Variants in LAMA3 observed in about 807,000 individuals in gnomAD.
LAMA3 encodes laminin subunit alpha-3.
LAMA3 carries 281 observed loss-of-function variants against 402.0 expected under a neutral mutation model. The observed-to-expected ratio is 0.70, with a 90% confidence interval of 0.63 to 0.77. The LOEUF is 0.77. Ranked by LOEUF, LAMA3 falls within the 30% of genes least tolerant of loss-of-function variation. The pLI, the probability that LAMA3 is intolerant of heterozygous loss-of-function variation, is 0.00. For missense variants in LAMA3, 3,840 were observed against 4,215.5 expected (o/e 0.91, Z 2.47); for synonymous variants, 1,431 against 1,558.4 (o/e 0.92, Z 1.93).
At position 23,839,913 on chromosome 18, in the gene LAMA3, C is replaced by T. The variant is rs1205290420; in HGVS notation, c.3320C>T (p.Thr1107Ile). ...TCTGTTGATGTTCTTCCTGGGGTCA[C>T]CTTGAAGGCACCGCAGGTAGTGTGC... is the stretch of plus-strand genomic sequence containing the variant. ...SPSVDVLPGVTLKAPQNQVTL... is the reference protein window; with the variant it reads ...SPSVDVLPGVILKAPQNQVTL... The change falls in exon 27 of 75, where the codon ACC becomes ATC. Residue 1107 changes from threonine to isoleucine, a missense_variant. Transcript: ENST00000313654. This position sits in a 1 kb window ranked among gnomAD's most constrained non-coding sequence, Gnocchi z 4.5. 1.4e-5 allele frequency: 22 copies of T among 1,614,186 alleles called. No individual in the cohort carries two copies. Among genetic ancestry groups the T allele is most frequent in the Non-Finnish European group, 1.8e-5 (21 of 1,180,038 alleles).
At chr18:23,953,376 C>G (rs1011847023) in intron 74 of LAMA3, among the ~76,000 whole-genome samples, 2 of 141,352 alleles carry the variant, frequency 1.4e-5, no homozygotes, top group Non-Finnish European at 3.0e-5. Context: ...GAGTCTCACT[C>G]TGTTGCCCAG....
chr18:23,815,093 C>A, intron 15 of LAMA3, 95 bp from the exon 16 acceptor site: 1 of 1,119,288 alleles, frequency 8.9e-7, no homozygotes, highest in Non-Finnish European at 1.4e-6. Context: ...GCAAGGCCAA[C>A]TGCACACGTT....
Position 23,827,467 on chromosome 18 carries a change from G to T in LAMA3, c.2823G>T (p.Glu941Asp). The part of the protein sequence containing the change: ...HPVMVDLSGR[E>D]VELHLRLRIP... ...TCATGGTGGACCTCAGCGGGAGAGA[G>T]GTGGGCCAGCCTTTTATTTATTATC... The change falls in exon 23 of 75, where the codon GAG becomes GAT. Residue 941 changes from glutamate to aspartate, a missense_variant and splice_region_variant. Glu to Asp is a conservative substitution (Grantham distance 45). This residue lies in a region of LAMA3 where 2,109 missense variants were observed against 2,376.0 expected (regional missense o/e 0.89). Transcript: ENST00000313654. The T allele has an allele frequency of 6.2e-7, 1 of 1,614,016 alleles. No individual in the cohort carries two copies. The highest frequency in any genetic ancestry group is 8.5e-7 in the Non-Finnish European group (1 of 1,180,036).
At position 23,815,551 on chromosome 18, in the gene LAMA3, G is replaced by A. The variant is rs1453337367; in HGVS notation, c.2025G>A (p.Lys675=). The A allele has an allele frequency of 6.2e-7, 1 of 1,613,902 alleles. No individual in the cohort carries two copies. The highest frequency in any genetic ancestry group is 1.1e-5 in the South Asian group (1 of 91,078). ...TCEDGYFALE[K]SNYFGCQGCQ... ...AAGATGGATATTTTGCTTTGGAAAA[G>A]AGCAATTACTTTGGGTGTCAAGGTA... Residue 675 remains lysine, a synonymous_variant, in exon 17 of 75, where the codon AAG becomes AAA. Transcript: ENST00000313654.
At chr18:23,936,302 A>G (rs558648721) in intron 67 of LAMA3, among the ~76,000 whole-genome samples, 2 of 151,830 alleles carry the variant, frequency 1.3e-5, no homozygotes, top group African/African-American at 4.8e-5. Context: ...GGTTTGTTAC[A>G]TATGTATACA....
chr18:23,822,121 G>C, intron 19 of LAMA3, 131 bp from the exon 20 acceptor site: 3 of 893,226 alleles, frequency 3.4e-6, no homozygotes, highest in African/African-American at 1.6e-5. Context: ...CTGAGTGTGA[G>C]TGTGTATGTG....
rs11446507 is a variant in LAMA3 at position 23,782,795 on chromosome 18, CTT to C, written c.1469-1213_1469-1212del. ...GAAGTTAATTAACCTTTCTGAGCAT[CTT>C]TTTTTTTTTTTTTTCATCTATAAAA... On this transcript the variant is annotated intron_variant, in intron 11 of 74. Transcript: ENST00000313654. 6.8e-3 allele frequency among the ~76,000 whole-genome samples: 929 copies of C among 135,998 alleles called. 13 individuals carry two copies. Among genetic ancestry groups the C allele is most frequent in the African/African-American group, 0.024 (881 of 37,282 alleles). The allele number at this position is 135,998 out of a possible 152,430, so 89.2% of individuals were successfully genotyped here.
At chr18:23,755,852 A>C (rs1001442411) in intron 6 of LAMA3, among the ~76,000 whole-genome samples, 20 of 152,250 alleles carry the variant, frequency 1.3e-4, no homozygotes, top group African/African-American at 4.8e-4. Flanking sequence ...AATCAATGAC[A>C]TCTTTAAATA....
Position 23,846,432 on chromosome 18 carries a change from C to G in LAMA3, c.3855C>G (p.Cys1285Trp), listed in dbSNP as rs1017963930. 1.2e-5 allele frequency: 19 copies of G among 1,613,718 alleles called. No individual in the cohort carries two copies. The highest frequency in any genetic ancestry group is 1.5e-5 in the Non-Finnish European group (18 of 1,179,992). The change falls in exon 31 of 75, where the codon TGC becomes TGG. Residue 1285 changes from cysteine (C) to tryptophan (W), a missense_variant. This residue lies in a region of LAMA3 where 2,109 missense variants were observed against 2,376.0 expected (regional missense o/e 0.89). Coordinates refer to ENST00000313654, the MANE Select transcript of LAMA3 (RefSeq NM_198129.4). ...GPHCSPEGGQ[C>W]PCQPNVIGRQ... Reference sequence around the variant, plus strand: ...ACTGCAGCCCTGAGGGTGGGCAGTGCCCATGCCAGCCCAACGTCATCGGGC... The same window carrying G: ...ACTGCAGCCCTGAGGGTGGGCAGTGGCCATGCCAGCCCAACGTCATCGGGC...
At chr18:23,925,630 C>T (rs2014437) in intron 62 of LAMA3, among the ~76,000 whole-genome samples, 24,008 of 152,078 alleles carry the variant, frequency 0.16, 2,803 homozygotes, top group East Asian at 0.6. Context: ...CCAAAGTATA[C>T]ATAAATACCC....
At chr18:23,803,310 C>T (rs1001339308) in intron 12 of LAMA3, among the ~76,000 whole-genome samples, 4 of 152,166 alleles carry the variant, frequency 2.6e-5, no homozygotes, top group Admixed American at 6.5e-5. Context: ...GTCTCTGCTG[C>T]TCGCAGACTG....
intron 38 of LAMA3, chr18:23,872,974 G>T (rs1415761768): frequency 3.8e-6 from 6 of 1,599,714 alleles, no homozygotes; most frequent in Non-Finnish European, 5.1e-6. Flanking sequence ...CCCGGGCACT[G>T]AGCAGGAAGG....
Position 23,842,425 on chromosome 18 carries a change from CACCTGGGCCGAT to C in LAMA3, c.3370_3381del (p.Leu1124_Tyr1127del). 1 of 1,614,132 alleles carries C rather than the reference CACCTGGGCCGAT, an allele frequency of 6.2e-7. No individual in the cohort carries two copies. The highest frequency in any genetic ancestry group is 8.5e-7 in the Non-Finnish European group (1 of 1,180,042). On this transcript the variant is annotated inframe_deletion, in exon 28 of 75. Coordinates refer to ENST00000313654, the MANE Select transcript of LAMA3 (RefSeq NM_198129.4). Reference sequence around the variant, plus strand: ...AGTGACCCTGAGAGGACGTGTACCACACCTGGGCCGATACGTCTTTGTCATCCATTTTTACCA... The same window carrying C: ...AGTGACCCTGAGAGGACGTGTACCACACGTCTTTGTCATCCATTTTTACCA...
chr18:23,715,949 C>T (rs1384723208), intron 2 of LAMA3, among the ~76,000 whole-genome samples: 2 of 152,154 alleles, frequency 1.3e-5, no homozygotes, highest in Non-Finnish European at 2.9e-5. Context: ...CTTTCAACCT[C>T]TTTAGTCCAT....
At chr18:23,767,923 T>C (rs1421067334) in intron 8 of LAMA3, among the ~76,000 whole-genome samples, 1 of 152,214 alleles carries the variant, frequency 6.6e-6, no homozygotes, top group East Asian at 1.9e-4. Context: ...TGTCTCTCCA[T>C]GTGCAGAAAA....
At chr18:23,900,885 T>G (rs570762533) in intron 47 of LAMA3, among the ~76,000 whole-genome samples, 3 of 152,322 alleles carry the variant, frequency 2.0e-5, no homozygotes, top group African/African-American at 7.2e-5. Flanking sequence ...TTCTCAAGGC[T>G]TCCATCTCTT....
At chr18:23,693,515 A>G (rs1256073057) in intron 1 of LAMA3, among the ~76,000 whole-genome samples, 1 of 149,442 alleles carries the variant, frequency 6.7e-6, no homozygotes, top group African/African-American at 2.5e-5. Flanking sequence ...AGCTCTTGAG[A>G]GTGAGACTCT....
intron 12 of LAMA3, among the ~76,000 whole-genome samples, chr18:23,803,544 C>T (rs1282576367): frequency 2.6e-5 from 4 of 152,174 alleles, no homozygotes. Context: ...CAGACCCTTC[C>T]CCAGATCTTC....
chr18:23,954,702 A>C lies in LAMA3; in HGVS notation c.*54A>C. On this transcript the variant is annotated 3_prime_UTR_variant, in exon 75 of 75. Coordinates refer to ENST00000313654, the MANE Select transcript of LAMA3 (RefSeq NM_198129.4). The stretch of plus-strand genomic sequence containing the variant: ...CACCTTCAAAAGCACTGATTACCCA[A>C]TGCACCTCCCTCCCCAGCTCGAGAT... 1 of 1,554,400 alleles carries C rather than the reference A, an allele frequency of 6.4e-7. No homozygotes were observed. The highest frequency in any genetic ancestry group is 1.4e-5 in the African/African-American group (1 of 73,748).
Sources: allele counts gnomAD v4.1 joint callset (sites outside exome capture counted in the v4.1 genomes callset), GRCh38; gene constraint gnomAD v4.1.1; regional missense constraint gnomAD v4.1.1; non-coding constraint Gnocchi (gnomAD v3.1); transcripts MANE v1.5; gene names NCBI Gene and HGNC (gene_info 2026-07-23, HGNC 2026-07-21).